Variants in TGIF1 observed in about 807,000 individuals in gnomAD.
TGIF1 encodes the protein TGFB induced factor homeobox 1.
TGIF1 carries 4 observed loss-of-function variants against 19.3 expected under a neutral mutation model. The ratio of observed to expected loss-of-function variants is 0.21; its 90% confidence interval spans 0.10 to 0.47. The LOEUF (loss-of-function observed/expected upper bound fraction) is 0.47, where lower values mean the gene tolerates loss of function less well. Among genes scored for constraint, TGIF1 ranks in the 20% least tolerant of loss-of-function variants. The pLI, the probability that TGIF1 is intolerant of heterozygous loss-of-function variation, is 0.98. For synonymous variants in TGIF1, 122 were observed against 129.3 expected (o/e 0.94, Z 0.38); for missense variants, 275 against 341.4 (o/e 0.81, Z 1.53).
upstream of TGIF1, among the ~76,000 whole-genome samples, chr18:3,446,398 G>T (rs1463727426): frequency 6.6e-6 from 1 of 152,110 alleles, no homozygotes; most frequent in Non-Finnish European, 1.5e-5. Context: ...TGGTCAGGCT[G>T]GTCTCAAACT....
chr18:3,422,954 G>T (rs185221058), intron 2 of TGIF1, among the ~76,000 whole-genome samples: 2 of 152,050 alleles, frequency 1.3e-5, no homozygotes, highest in South Asian at 2.1e-4. Context: ...CTCCCAAAGC[G>T]CTGGGATTGT....
At chr18:3,449,182 A>G (rs191490467), upstream of TGIF1, among the ~76,000 whole-genome samples, 52 of 152,314 alleles carry the variant, frequency 3.4e-4, no homozygotes, top group Admixed American at 1.1e-3. Flanking sequence ...GCCAACAGGA[A>G]CGGGTGTTTA....
chr18:3,430,537 C>T (rs2082533382), intron 2 of TGIF1, among the ~76,000 whole-genome samples: 1 of 152,134 alleles, frequency 6.6e-6, no homozygotes, highest in Non-Finnish European at 1.5e-5. Context: ...AAGTCTTGCT[C>T]TGTCACCCAG....
At chr18:3,450,653 G>A in intron 1 of TGIF1, 148 bp downstream of exon 1, 3 of 1,479,954 alleles carry the variant, frequency 2.0e-6, no homozygotes, top group South Asian at 1.2e-5. Context: ...TTGAGGCTGC[G>A]TCTGAAACGG....
intron 2 of TGIF1, among the ~76,000 whole-genome samples, chr18:3,422,394 GTT>G (rs1444704807): frequency 6.7e-6 from 1 of 150,056 alleles, no homozygotes; most frequent in Non-Finnish European, 1.5e-5. Context: ...CAGTGTGCTT[GTT>G]TTTAGGCTTA....
At chr18:3,433,694 C>T (rs1334191135) in intron 2 of TGIF1, among the ~76,000 whole-genome samples, 2 of 152,076 alleles carry the variant, frequency 1.3e-5, no homozygotes, top group Non-Finnish European at 2.9e-5. Flanking sequence ...ATTTTAGAGA[C>T]AGGGTCTTGC....
intron 2 of TGIF1, among the ~76,000 whole-genome samples, chr18:3,444,823 C>A (rs952905101): frequency 6.6e-6 from 1 of 151,808 alleles, no homozygotes; most frequent in Non-Finnish European, 1.5e-5. Context: ...GGGAAAAAAC[C>A]AAGCCAACAG....
intron 2 of TGIF1, among the ~76,000 whole-genome samples, chr18:3,428,328 A>G (rs994031079): frequency 6.6e-6 from 1 of 152,208 alleles, no homozygotes; most frequent in African/African-American, 2.4e-5. Context: ...ATGGCATATG[A>G]TGGTGATCTT....
intron 1 of TGIF1, among the ~76,000 whole-genome samples, chr18:3,450,822 C>A (rs1175884722): frequency 3.3e-5 from 5 of 152,208 alleles, no homozygotes; most frequent in Admixed American, 2.6e-4. Context: ...CCAGCCGCCG[C>A]GTGGCTTCTC....
intron 2 of TGIF1, among the ~76,000 whole-genome samples, chr18:3,442,108 T>C (rs1441337533): frequency 2.0e-5 from 3 of 152,228 alleles, no homozygotes; most frequent in African/African-American, 4.8e-5. Flanking sequence ...ACTTTCACTA[T>C]TGGATCTTGC....
chr18:3,423,436 T>G lies in TGIF1; in HGVS notation c.-45+5221T>G, dbSNP rs566714041. 1.4e-4 allele frequency among the ~76,000 whole-genome samples: 22 copies of G among 151,978 alleles called. 1 individual carries two copies. In the South Asian group the frequency reaches 4.6e-3, roughly 32 times the overall value. The stretch of plus-strand genomic sequence containing the variant: ...GGCTCACGCTTGTAATCCCAGCACT[T>G]TGGGAGGCCAGGGCGGGCAGATCAC... On this transcript the variant is annotated intron_variant, in intron 2 of 3. Transcript: ENST00000401449.
rs188638539 is a variant in TGIF1, at chr18:3,452,499, G to T, written c.16+1994G>T. The T allele has an allele frequency of 2.0e-6, 3 of 1,471,966 alleles. No individual in the cohort carries two copies. The Admixed American group carries it at 5.8e-5, about 29-fold the overall frequency. 91.2% of individuals were successfully genotyped at this position (1,471,966 alleles called of 1,614,324 possible). A position where few individuals can be genotyped will look rare whatever the true frequency, so the allele number is the denominator to read the frequency against. On this transcript the variant is annotated intron_variant, in intron 1 of 2. Transcript: ENST00000343820. Reference sequence around the variant, plus strand: ...AGGTTTCCCTGGCGAGTCGTCTGGGGTGGGCAGGCCTCTGAGAAGGTGGGA... The same window carrying T: ...AGGTTTCCCTGGCGAGTCGTCTGGGTTGGGCAGGCCTCTGAGAAGGTGGGA...
intron 1 of TGIF1, chr18:3,452,316 C>G (rs746439697): frequency 6.2e-6 from 10 of 1,612,908 alleles, no homozygotes; most frequent in African/African-American, 1.3e-5. Flanking sequence ...GTGGGAACTT[C>G]CGCGGTCCCC....
chr18:3,423,507 G>A (rs963971630), intron 2 of TGIF1, among the ~76,000 whole-genome samples: 22 of 152,042 alleles, frequency 1.4e-4, no homozygotes, highest in African/African-American at 2.9e-4. Context: ...GCGAAACCCC[G>A]TCTCTACTAA....
chr18:3,441,843 T>G (rs935179809), intron 2 of TGIF1, among the ~76,000 whole-genome samples: 1 of 152,244 alleles, frequency 6.6e-6, no homozygotes, highest in African/African-American at 2.4e-5. Flanking sequence ...TCTTCTTTAT[T>G]ATTTCTCCAG....
chr18:3,438,588 TACACACAA>T (rs1205648161), intron 2 of TGIF1, among the ~76,000 whole-genome samples: 1 of 43,524 alleles, frequency 2.3e-5, no homozygotes, highest in Non-Finnish European at 5.9e-5. Flanking sequence ...CATCATTTCA[TACACACAA>T]ACACACACAC....
chr18:3,446,610 A>C (rs1598885618), upstream of TGIF1, among the ~76,000 whole-genome samples: 1 of 152,198 alleles, frequency 6.6e-6, no homozygotes, highest in African/African-American at 2.4e-5. Context: ...TAAAAACAAA[A>C]GTAGTAGCAC....
intron 2 of TGIF1, among the ~76,000 whole-genome samples, chr18:3,429,856 T>C (rs2082524072): frequency 6.6e-6 from 1 of 152,220 alleles, no homozygotes; most frequent in Non-Finnish European, 1.5e-5. Flanking sequence ...ACAAACACAA[T>C]TACCTGAAAA....
At chr18:3,445,949 G>C (rs2082740035), upstream of TGIF1, among the ~76,000 whole-genome samples, 1 of 151,808 alleles carries the variant, frequency 6.6e-6, no homozygotes, top group South Asian at 2.1e-4. Flanking sequence ...ATTTCCCAGA[G>C]ACCACTTGAT....
Sources: gnomAD v4.1 joint callset for allele counts (sites outside exome capture counted in the v4.1 genomes callset) on GRCh38, gnomAD v4.1.1 for gene constraint, MANE v1.5 for transcripts, NCBI Gene and HGNC (gene_info 2026-07-23, HGNC 2026-07-21) for gene names.